Variants in MAPK8 observed in about 807,000 individuals in gnomAD.
MAPK8 encodes the protein JUN N-terminal kinase.
A neutral mutation model predicts 52.9 loss-of-function variants in MAPK8; 13 were observed. That is an observed-to-expected ratio of 0.25 (90% CI 0.16 to 0.39). The LOEUF is 0.39. Among genes scored for constraint, MAPK8 ranks in the 10% least tolerant of loss-of-function variants. The probability of loss-of-function intolerance (pLI) is 1.00; values close to 1 mark genes in which losing one functional copy is unlikely to be tolerated. For synonymous variants in MAPK8, 191 were observed against 169.8 expected, an observed-to-expected ratio of 1.12 and a Z score of -0.97; for missense variants, 300 against 519.2, an observed-to-expected ratio of 0.58 and a Z score of 4.10.
chr10:48,316,446 C>G (rs912902341), intron 1 of MAPK8, among the ~76,000 whole-genome samples: 11 of 152,136 alleles, frequency 7.2e-5, no homozygotes, highest in Admixed American at 3.3e-4. Flanking sequence ...AGAAGGTATC[C>G]CCGTCCTTAA....
intron 1 of MAPK8, among the ~76,000 whole-genome samples, chr10:48,377,422 A>G (rs1037770913): frequency 6.6e-6 from 1 of 151,918 alleles, no homozygotes; most frequent in Non-Finnish European, 1.5e-5. Context: ...CCAGATATCC[A>G]CTCCCTCACT....
At chr10:48,425,844 T>A in intron 7 of MAPK8, 44 bp from the exon 8 acceptor site, 1 of 413,774 alleles carries the variant, frequency 2.4e-6, no homozygotes, top group Non-Finnish European at 3.9e-6. Context: ...ACTAATGTAT[T>A]GAACATTAGT....
intron 1 of MAPK8, among the ~76,000 whole-genome samples, chr10:48,378,703 T>A (rs1461451902): frequency 1.3e-5 from 2 of 151,934 alleles, no homozygotes; most frequent in African/African-American, 4.8e-5. Flanking sequence ...TTTTTCTGTC[T>A]CTAGTCTCCC....
intron 1 of MAPK8, among the ~76,000 whole-genome samples, chr10:48,325,609 A>G (rs1343378877): frequency 6.6e-6 from 1 of 152,234 alleles, no homozygotes; most frequent in Non-Finnish European, 1.5e-5. Context: ...TTCTCCTATA[A>G]TTAACATCGT....
rs144159185 is a variant in MAPK8 at position 48,422,975 on chromosome 10, G to A, written c.617-1113G>A. On this transcript the variant is annotated intron_variant, in intron 6 of 11. Transcript: ENST00000374189. ...TGTCTTTCTGACATCTATTTGTGCC[G>A]TTTTCCACTTGTCATTTTAAAGAAT... 7.9e-5 allele frequency among the ~76,000 whole-genome samples: 12 copies of A among 152,184 alleles called. No individual in the cohort carries two copies. In the East Asian group the frequency reaches 1.5e-3, roughly 20 times the overall value.
chr10:48,410,191 A>C (rs940701258), intron 5 of MAPK8, 23 bp downstream of exon 5: 3 of 1,468,364 alleles, frequency 2.0e-6, no homozygotes, highest in Non-Finnish European at 2.7e-6. Context: ...AACTATCGTC[A>C]TACTCTTTGT....
chr10:48,413,386 C>T (rs2042865981), intron 5 of MAPK8, among the ~76,000 whole-genome samples: 1 of 152,110 alleles, frequency 6.6e-6, no homozygotes, highest in South Asian at 2.1e-4. Flanking sequence ...AGCAGCTGTA[C>T]CATTTTACAT....
intron 3 of MAPK8, among the ~76,000 whole-genome samples, chr10:48,407,089 G>A (rs572716104): frequency 6.6e-6 from 1 of 152,302 alleles, no homozygotes; most frequent in African/African-American, 2.4e-5. Context: ...AAGGTGAAAT[G>A]TGGTTGCTCT....
At chr10:48,360,434 C>G (rs1047117543) in intron 1 of MAPK8, among the ~76,000 whole-genome samples, 2 of 152,072 alleles carry the variant, frequency 1.3e-5, no homozygotes, top group Non-Finnish European at 2.9e-5. Context: ...CAGATTAACT[C>G]GTAGATACCC....
rs1466542256 is a variant in MAPK8 at position 48,306,797 on chromosome 10, C to G, written c.-74C>G. On this transcript the variant is annotated 5_prime_UTR_variant, in exon 1 of 12. Coordinates refer to ENST00000374189, the MANE Select transcript of MAPK8 (RefSeq NM_001323329.2). Reference sequence around the variant, plus strand: ...CCCCTGTCCCCGCTGGCGGGCTTCCCTGTCGCCGTTCGCTGCGCTGCCGGG... The same window carrying G: ...CCCCTGTCCCCGCTGGCGGGCTTCCGTGTCGCCGTTCGCTGCGCTGCCGGG... 4 of 151,566 alleles carry G rather than the reference C, an allele frequency of 2.6e-5. No homozygotes were observed. The highest frequency in any genetic ancestry group is 5.9e-5 in the Non-Finnish European group (4 of 67,866). The allele number at this position is 151,566 out of a possible 1,614,324, so 9.4% of individuals were successfully genotyped here. A position where few individuals can be genotyped will look rare whatever the true frequency, so the allele number is the denominator to read the frequency against.
In MAPK8 at chr10:48,321,487, C is replaced by T. The variant is rs367741832; in HGVS notation, c.-50+14666C>T. ...GGTAGTCTTTTTACTTTCTTGATGG[C>T]ATCATTTGTAGCACAAAAAGTTTTA... On this transcript the variant is annotated intron_variant, in intron 1 of 11. Transcript: ENST00000374189. 2.8e-4 allele frequency among the ~76,000 whole-genome samples: 42 copies of T among 152,238 alleles called. No homozygotes were observed. In the East Asian group the frequency reaches 5.4e-3, roughly 20 times the overall value.
chr10:48,317,324 C>A (rs760506283), intron 1 of MAPK8, among the ~76,000 whole-genome samples: 1 of 152,104 alleles, frequency 6.6e-6, no homozygotes, highest in Non-Finnish European at 1.5e-5. Flanking sequence ...TGGGACTCGG[C>A]TGGCGAATTT....
intron 1 of MAPK8, among the ~76,000 whole-genome samples, chr10:48,373,436 A>G (rs1263723414): frequency 6.6e-6 from 1 of 151,806 alleles, no homozygotes. Context: ...AAAGACACAG[A>G]CTCACAGACT....
At chr10:48,325,252 G>C (rs1188016440) in intron 1 of MAPK8, among the ~76,000 whole-genome samples, 1 of 152,082 alleles carries the variant, frequency 6.6e-6, no homozygotes, top group African/African-American at 2.4e-5. Flanking sequence ...CATCCTTCTT[G>C]ATCAATTAAT....
intron 10 of MAPK8, 196 bp downstream of exon 10, chr10:48,427,339 C>A: frequency 2.1e-6 from 1 of 472,674 alleles, no homozygotes; most frequent in Non-Finnish European, 3.9e-6. Flanking sequence ...GTTTCCCACC[C>A]CAGACACAGA....
At position 48,435,051 on chromosome 10, in the gene MAPK8, G is replaced by T; in HGVS notation, c.*22G>T. 3.5e-6 allele frequency: 5 copies of T among 1,430,652 alleles called. No homozygotes were observed. The highest frequency in any genetic ancestry group is 2.7e-5 in the South Asian group (2 of 74,868). 88.6% of individuals were successfully genotyped at this position (1,430,652 alleles called of 1,614,324 possible). ...ATGACTACTTGGGCCATCGGGGGGT[G>T]GGAGGGATGGGGAGTCGGTTAGTCA... is the stretch of plus-strand genomic sequence containing the variant. On this transcript the variant is annotated 3_prime_UTR_variant, in exon 12 of 12. Coordinates refer to ENST00000374189, the MANE Select transcript of MAPK8 (RefSeq NM_001323329.2).
chr10:48,394,087 A>G (rs1255850402), intron 1 of MAPK8, among the ~76,000 whole-genome samples: 3 of 151,990 alleles, frequency 2.0e-5, no homozygotes, highest in African/African-American at 7.2e-5. Flanking sequence ...CTGTTTAAGA[A>G]GAAATAGTTG....
intron 1 of MAPK8, among the ~76,000 whole-genome samples, chr10:48,384,230 C>T (rs570587954): frequency 1.3e-5 from 2 of 151,988 alleles, no homozygotes; most frequent in South Asian, 2.1e-4. Context: ...CCAGCCTGGG[C>T]GACAGAGCGA....
intron 1 of MAPK8, among the ~76,000 whole-genome samples, chr10:48,366,259 CA>C (rs529306838): frequency 2.0e-5 from 3 of 150,704 alleles, no homozygotes; most frequent in Admixed American, 2.0e-4. Flanking sequence ...CTAAACTAAA[CA>C]AAAAAAACCC....
Sources: gnomAD v4.1 joint callset for allele counts (sites outside exome capture counted in the v4.1 genomes callset) on GRCh38, gnomAD v4.1.1 for gene constraint, MANE v1.5 for transcripts, NCBI Gene and HGNC (gene_info 2026-07-23, HGNC 2026-07-21) for gene names.